The following METTL8 variants were observed in gnomAD, a reference collection of about 807,000 sequenced individuals.
METTL8 encodes the protein tRNA N(3)-cytidine methyltransferase METTL8, mitochondrial.
A neutral mutation model predicts 48.7 loss-of-function variants in METTL8; 32 were observed. The observed-to-expected ratio is 0.66, with a 90% CI of 0.50 to 0.88. The LOEUF (loss-of-function observed/expected upper bound fraction) is 0.88. Among genes scored for constraint, METTL8 ranks in the 40% least tolerant of loss-of-function variants. The pLI is 0.00. For synonymous variants in METTL8, 136 were observed against 157.1 expected (o/e 0.87, Z 1.01); for missense variants, 464 against 474.4 (o/e 0.98, Z 0.20).
At chr2:171,334,223 T>A (rs570293056) in intron 5 of METTL8, among the ~76,000 whole-genome samples, 2 of 152,194 alleles carry the variant, frequency 1.3e-5, no homozygotes, top group Non-Finnish European at 2.9e-5. Flanking sequence ...ACCCATAAGA[T>A]ATAGAACAGT....
At chr2:171,431,559 T>C (rs948730837) in intron 1 of METTL8, among the ~76,000 whole-genome samples, 3 of 152,214 alleles carry the variant, frequency 2.0e-5, no homozygotes, top group Admixed American at 1.3e-4. Context: ...TCAATAAAAC[T>C]CTTCTCTGTC....
In METTL8 at chr2:171,323,264, C is replaced by A. The variant is rs1311569115; in HGVS notation, c.*908G>T. ...TTTTTTTTTTTTGGAGACAAGGTCT[C>A]ACCATGTCACCCAGTTTGGAGCGCA... On this transcript the variant is annotated 3_prime_UTR_variant, in exon 10 of 10. Coordinates refer to ENST00000375258, the MANE Select transcript of METTL8 (RefSeq NM_001321154.2). 9.1e-6 allele frequency: 1 copy of A among 109,630 alleles called. No individual in the cohort carries two copies. Among genetic ancestry groups the A allele is most frequent in the Non-Finnish European group, 1.7e-5 (1 of 58,434 alleles). 6.8% of individuals were successfully genotyped at this position (109,630 alleles called of 1,614,324 possible).
At chr2:171,356,164 T>A (rs1684518347) in intron 3 of METTL8, among the ~76,000 whole-genome samples, 1 of 152,194 alleles carries the variant, frequency 6.6e-6, no homozygotes, top group Non-Finnish European at 1.5e-5. Flanking sequence ...TCCAGCTATT[T>A]TTTTTTGAGA....
chr2:171,383,986 C>A (rs1486651420), intron 2 of METTL8, among the ~76,000 whole-genome samples: 1 of 152,186 alleles, frequency 6.6e-6, no homozygotes, highest in Non-Finnish European at 1.5e-5. Context: ...ATAGTTCACC[C>A]ATGTTCATAG....
intron 3 of METTL8, among the ~76,000 whole-genome samples, chr2:171,349,337 C>T (rs574493220): frequency 2.2e-4 from 34 of 152,198 alleles, no homozygotes; most frequent in Middle Eastern, 3.4e-3. Flanking sequence ...CCCCATTTCC[C>T]GAGCCCTTGG....
chr2:171,388,318 A>G (rs565695473), intron 2 of METTL8, among the ~76,000 whole-genome samples: 1 of 152,340 alleles, frequency 6.6e-6, no homozygotes, highest in Admixed American at 6.5e-5. Flanking sequence ...AATGTCATTT[A>G]TTTATCTTCA....
chr2:171,328,282 T>C (rs1685167919), intron 7 of METTL8, among the ~76,000 whole-genome samples: 1 of 152,212 alleles, frequency 6.6e-6, no homozygotes, highest in South Asian at 2.1e-4. Flanking sequence ...TGTAATATTT[T>C]GTATTTTCAT....
chr2:171,400,724 T>C (rs759869693), intron 1 of METTL8, among the ~76,000 whole-genome samples: 12 of 152,174 alleles, frequency 7.9e-5, no homozygotes, highest in South Asian at 2.1e-4. Flanking sequence ...AGCTGAGTAG[T>C]AGAGGCAAAG....
rs1684553349 is a variant in METTL8, at chr2:171,322,132, T to C, written c.*2040A>G. The C allele has an allele frequency of 6.6e-6, 1 of 151,730 alleles. No homozygotes were observed. Among genetic ancestry groups the C allele is most frequent in the Non-Finnish European group, 1.5e-5 (1 of 67,926 alleles). 9.4% of individuals were successfully genotyped at this position (151,730 alleles called of 1,614,324 possible). The stretch of plus-strand genomic sequence containing the variant: ...TGCCCACCACCACGCCTGGCTAATT[T>C]TTTTTGTATTTTTAGTAGAGACAGG... On this transcript the variant is annotated 3_prime_UTR_variant, in exon 10 of 10. Coordinates refer to ENST00000375258, the MANE Select transcript of METTL8 (RefSeq NM_001321154.2).
chr2:171,387,543 T>TAA (rs869031018), intron 2 of METTL8, among the ~76,000 whole-genome samples: 2 of 144,708 alleles, frequency 1.4e-5, no homozygotes, highest in African/African-American at 5.1e-5. Flanking sequence ...TAAAAAAAAT[T>TAA]AAAAAAAAAA....
At chr2:171,361,183 TC>T (rs1685125273) in intron 2 of METTL8, among the ~76,000 whole-genome samples, 1 of 152,136 alleles carries the variant, frequency 6.6e-6, no homozygotes, top group Non-Finnish European at 1.5e-5. Flanking sequence ...AAAATGTCTT[TC>T]TTGGAATAGA....
At chr2:171,389,106 G>A (rs2105554892) in intron 2 of METTL8, among the ~76,000 whole-genome samples, 1 of 152,266 alleles carries the variant, frequency 6.6e-6, no homozygotes, top group East Asian at 1.9e-4. Flanking sequence ...TAAATCAAAA[G>A]CTAGAAAAGA....
At chr2:171,432,199 C>T (rs1415374665) in intron 1 of METTL8, among the ~76,000 whole-genome samples, 1 of 151,628 alleles carries the variant, frequency 6.6e-6, no homozygotes, top group Non-Finnish European at 1.5e-5. Context: ...TCTCCAGCTG[C>T]GGAGGTCTCC....
intron 1 of METTL8, among the ~76,000 whole-genome samples, chr2:171,392,782 C>G (rs533060909): frequency 6.6e-6 from 1 of 152,150 alleles, no homozygotes; most frequent in Non-Finnish European, 1.5e-5. Context: ...AATATGGATG[C>G]AAAATAGATT....
In METTL8 at chr2:171,326,185, T is replaced by TATTAAAAAGATACCC; in HGVS notation, c.861-38_861-37insGGGTATCTTTTTAAT. 3 of 1,157,948 alleles carry TATTAAAAAGATACCC rather than the reference T, an allele frequency of 2.6e-6. No individual in the cohort carries two copies. The African/African-American group carries it at 4.7e-5, about 18-fold the overall frequency. 71.7% of individuals were successfully genotyped at this position (1,157,948 alleles called of 1,614,324 possible). ...AAGTATTAAAAAGATACCCAGTTTG[T>TATTAAAAAGATACCC]AGAAATCTTGTTTTATATGCTGGAT... On this transcript the variant is annotated intron_variant, in intron 7 of 9. Transcript: ENST00000375258.
At chr2:171,362,144 G>A (rs1685226259) in intron 2 of METTL8, among the ~76,000 whole-genome samples, 1 of 152,154 alleles carries the variant, frequency 6.6e-6, no homozygotes, top group Non-Finnish European at 1.5e-5. Context: ...TTAAATGTGG[G>A]GCTGAACAGT....
Position 171,321,954 on chromosome 2 carries a change from G to A in METTL8, c.*2218C>T, listed in dbSNP as rs1684540510. On this transcript the variant is annotated 3_prime_UTR_variant, in exon 10 of 10. Transcript: ENST00000375258. ...CTTATGTCCTTTTTGAAGCAAGGGAGTAAATAAATTTTTTTTTTTTTTTTT... is the reference window on the plus strand; with the variant it reads ...CTTATGTCCTTTTTGAAGCAAGGGAATAAATAAATTTTTTTTTTTTTTTTT... 1 of 150,706 alleles carries A rather than the reference G, an allele frequency of 6.6e-6. No individual in the cohort carries two copies. Among genetic ancestry groups the A allele is most frequent in the Admixed American group, 6.8e-5 (1 of 14,814 alleles). The allele number at this position is 150,706 out of a possible 1,614,324, so 9.3% of individuals were successfully genotyped here. A position where few individuals can be genotyped will look rare whatever the true frequency, so the allele number is the denominator to read the frequency against.
chr2:171,359,997 C>A (rs1035907593), intron 3 of METTL8, among the ~76,000 whole-genome samples: 6 of 152,132 alleles, frequency 3.9e-5, no homozygotes, highest in Admixed American at 1.3e-4. Context: ...AAACTGCCTT[C>A]AATCCTTACT....
At chr2:171,391,594 G>A (rs1005376866) in intron 2 of METTL8, among the ~76,000 whole-genome samples, 1 of 152,164 alleles carries the variant, frequency 6.6e-6, no homozygotes, top group Non-Finnish European at 1.5e-5. Context: ...TCCAAATAGG[G>A]TGGATTCCCT....
Sources: gnomAD v4.1 joint callset for allele counts (sites outside exome capture counted in the v4.1 genomes callset) on GRCh38, gnomAD v4.1.1 for gene constraint, MANE v1.5 for transcripts, NCBI Gene and HGNC (gene_info 2026-07-23, HGNC 2026-07-21) for gene names.